Variants in STK3 observed in about 807,000 individuals in gnomAD.
The protein encoded by STK3 is serine/threonine-protein kinase 3.
A neutral mutation model predicts 58.0 loss-of-function variants in STK3; 41 were observed. The observed-to-expected ratio is 0.71, with a 90% CI of 0.55 to 0.92. The LOEUF (loss-of-function observed/expected upper bound fraction) is 0.92. Ranked by LOEUF, STK3 falls within the 40% of genes least tolerant of loss-of-function variation. The probability of loss-of-function intolerance (pLI) is 0.00; values close to 1 mark genes in which losing one functional copy is unlikely to be tolerated. For missense variants in STK3, 479 were observed against 602.7 expected (o/e 0.79, Z 2.15); for synonymous variants, 170 against 191.0 (o/e 0.89, Z 0.91).
chr8:98,711,695 G>C (rs1826463023), intron 4 of STK3, among the ~76,000 whole-genome samples: 2 of 152,216 alleles, frequency 1.3e-5, no homozygotes, highest in South Asian at 4.1e-4. Context: ...ATGAAACCAA[G>C]TTGGAAAACA....
chr8:98,644,691 C>A (rs934040291), intron 6 of STK3, among the ~76,000 whole-genome samples: 2 of 152,052 alleles, frequency 1.3e-5, no homozygotes, highest in African/African-American at 4.8e-5. Context: ...CTCCTAAGGT[C>A]AATGAAGGCA....
chr8:98,569,913 ATGTGTGTGTGTG>A (rs534903718), intron 8 of STK3, among the ~76,000 whole-genome samples: 1 of 147,376 alleles, frequency 6.8e-6, no homozygotes, highest in Non-Finnish European at 1.5e-5. Context: ...AAAAAAAAAT[ATGTGTGTGTGTG>A]TGTGTGTGTA....
chr8:98,599,314 AC>A (rs1816118429), intron 6 of STK3, among the ~76,000 whole-genome samples: 1 of 152,264 alleles, frequency 6.6e-6, no homozygotes, highest in South Asian at 2.1e-4. Context: ...TAAAGTAATT[AC>A]ACTAATTTAT....
chr8:98,756,146 A>C (rs1830275676), intron 3 of STK3, among the ~76,000 whole-genome samples: 2 of 152,088 alleles, frequency 1.3e-5, no homozygotes, highest in Non-Finnish European at 2.9e-5. Context: ...CGCCTCAAAA[A>C]AAAAAAGAAA....
At chr8:98,509,573 C>T (rs1237912416) in intron 10 of STK3, among the ~76,000 whole-genome samples, 2 of 151,712 alleles carry the variant, frequency 1.3e-5, no homozygotes, top group African/African-American at 2.4e-5. Context: ...ACCTAGTAAT[C>T]GAATAGCTTT....
chr8:98,344,099 A>G, the STK3 span, among the ~76,000 whole-genome samples: 1 of 152,216 alleles, frequency 6.6e-6, no homozygotes, highest in East Asian at 1.9e-4. Flanking sequence ...TCTGAAGTGC[A>G]TTTATTTGAA....
Position 98,825,583 on chromosome 8 carries a change from C to T in STK3, c.-43G>A. 1 of 1,425,200 alleles carries T rather than the reference C, an allele frequency of 7.0e-7. No individual in the cohort carries two copies. The highest frequency in any genetic ancestry group is 9.2e-7 in the Non-Finnish European group (1 of 1,083,026). The allele number at this position is 1,425,200 out of a possible 1,614,324, so 88.3% of individuals were successfully genotyped here. Reference sequence around the variant, plus strand: ...AGAGGGACCTGGTGGACGGCGAAGGCCGAAAGGAGGAAAGGAGCCGGGGCA... The same window carrying T: ...AGAGGGACCTGGTGGACGGCGAAGGTCGAAAGGAGGAAAGGAGCCGGGGCA... On this transcript the variant is annotated 5_prime_UTR_variant, in exon 1 of 11. Transcript: ENST00000419617.
intron 10 of STK3, among the ~76,000 whole-genome samples, chr8:98,460,834 C>T (rs893968396): frequency 6.6e-6 from 1 of 152,176 alleles, no homozygotes; most frequent in African/African-American, 2.4e-5. Context: ...TATAAGTTTC[C>T]TGAGGCCTCC....
chr8:98,631,174 C>T (rs1819198093), intron 6 of STK3, among the ~76,000 whole-genome samples: 1 of 152,210 alleles, frequency 6.6e-6, no homozygotes, highest in South Asian at 2.1e-4. Flanking sequence ...ATTCACCTGG[C>T]TTCCATTCTT....
At chr8:98,526,700 T>G in intron 10 of STK3, 42 bp downstream of exon 10, 1 of 1,448,650 alleles carries the variant, frequency 6.9e-7, no homozygotes, top group Non-Finnish European at 9.2e-7. Flanking sequence ...TGATAAAATA[T>G]AGAAGGAGAA....
intron 1 of STK3, among the ~76,000 whole-genome samples, chr8:98,900,249 GT>G (rs987933185): frequency 2.0e-5 from 3 of 151,972 alleles, no homozygotes; most frequent in Admixed American, 2.0e-4. Flanking sequence ...GCTAATTTTT[GT>G]TTTTTTAGTA....
chr8:98,682,316 T>A (rs957869285), intron 6 of STK3, among the ~76,000 whole-genome samples: 2 of 152,206 alleles, frequency 1.3e-5, no homozygotes, highest in African/African-American at 4.8e-5. Flanking sequence ...AAGATCATGA[T>A]GCAACTTATT....
At chr8:98,784,722 G>C (rs925303542) in intron 1 of STK3, among the ~76,000 whole-genome samples, 3 of 152,088 alleles carry the variant, frequency 2.0e-5, no homozygotes, top group Admixed American at 2.0e-4. Context: ...TGGTACAGTG[G>C]GGCCCTCTCC....
intron 3 of STK3, among the ~76,000 whole-genome samples, chr8:98,871,247 C>A (rs142443115): frequency 2.5e-4 from 38 of 152,264 alleles, no homozygotes; most frequent in South Asian, 2.3e-3. Flanking sequence ...ATTACTGTAG[C>A]CTTGTAGTAT....
intron 1 of STK3, among the ~76,000 whole-genome samples, chr8:98,916,112 G>T (rs551643179): frequency 6.6e-6 from 1 of 151,960 alleles, no homozygotes; most frequent in Non-Finnish European, 1.5e-5. Flanking sequence ...TTAAAACCCC[G>T]TTTAAAAAAA....
At chr8:98,390,007 G>A (rs991627227), upstream of STK3, among the ~76,000 whole-genome samples, 8 of 152,086 alleles carry the variant, frequency 5.3e-5, no homozygotes, top group Admixed American at 1.3e-4. Flanking sequence ...TTAGAACTGC[G>A]GTTAACATGT....
At chr8:98,698,293 C>T (rs1267297069) in intron 6 of STK3, among the ~76,000 whole-genome samples, 2 of 151,640 alleles carry the variant, frequency 1.3e-5, no homozygotes, top group Non-Finnish European at 2.9e-5. Context: ...ATACAGCACA[C>T]TGATGGGTCT....
At chr8:98,915,110 A>G (rs954282869) in intron 1 of STK3, among the ~76,000 whole-genome samples, 1 of 152,110 alleles carries the variant, frequency 6.6e-6, no homozygotes, top group Non-Finnish European at 1.5e-5. Flanking sequence ...TGAAAGATAC[A>G]AAGTATTGAT....
At chr8:98,753,529 T>C (rs1031319427) in intron 3 of STK3, among the ~76,000 whole-genome samples, 4 of 152,048 alleles carry the variant, frequency 2.6e-5, no homozygotes, top group Admixed American at 6.6e-5. Context: ...GTACTAGGCT[T>C]AATACCTGGG....
Sources: allele counts gnomAD v4.1 joint callset (sites outside exome capture counted in the v4.1 genomes callset), GRCh38; gene constraint gnomAD v4.1.1; transcripts MANE v1.5; gene names NCBI Gene and HGNC (gene_info 2026-07-23, HGNC 2026-07-21).